Variants in GRK5 observed in about 807,000 individuals in gnomAD.
GRK5 encodes g protein-coupled receptor kinase GRK5.
GRK5 carries 40 observed loss-of-function variants against 78.4 expected under a neutral mutation model. The ratio of observed to expected loss-of-function variants is 0.51; its 90% confidence interval spans 0.40 to 0.66. The LOEUF is 0.66. Ranked by LOEUF, GRK5 falls within the 30% of genes least tolerant of loss-of-function variation. The pLI, the probability that GRK5 is intolerant of heterozygous loss-of-function variation, is 0.00. For missense variants in GRK5, 598 were observed against 759.9 expected (o/e 0.79, Z 2.50); for synonymous variants, 289 against 296.8 (o/e 0.97, Z 0.27).
chr10:119,332,616 C>T (rs1000812188), intron 2 of GRK5, among the ~76,000 whole-genome samples: 1 of 152,194 alleles, frequency 6.6e-6, no homozygotes, highest in African/African-American at 2.4e-5. Context: ...TTCTCCACCC[C>T]AGTCCATGGA....
chr10:119,346,765 G>C (rs569722475), intron 2 of GRK5, among the ~76,000 whole-genome samples: 101 of 152,282 alleles, frequency 6.6e-4, no homozygotes, highest in African/African-American at 2.3e-3. Flanking sequence ...GGTCCCCCAG[G>C]CTCCGGCAGA....
intron 1 of GRK5, among the ~76,000 whole-genome samples, chr10:119,219,142 C>A (rs1458144883): frequency 6.6e-6 from 1 of 152,170 alleles, no homozygotes; most frequent in Non-Finnish European, 1.5e-5. Context: ...CCTGCCTCGG[C>A]CTCCCAAAGT....
chr10:119,297,307 T>C (rs561877038), intron 1 of GRK5, among the ~76,000 whole-genome samples: 7 of 152,340 alleles, frequency 4.6e-5, no homozygotes, highest in East Asian at 1.9e-4. Context: ...GTTTGGCGAA[T>C]GTTAGTGCAG....
At chr10:119,414,429 T>C (rs555194633) in intron 4 of GRK5, among the ~76,000 whole-genome samples, 2 of 152,266 alleles carry the variant, frequency 1.3e-5, no homozygotes, top group Admixed American at 6.5e-5. Context: ...ACAAACACCA[T>C]TGGTCAAAAC....
chr10:119,416,337 A>G (rs1852451817), intron 4 of GRK5, among the ~76,000 whole-genome samples: 1 of 152,236 alleles, frequency 6.6e-6, no homozygotes, highest in Non-Finnish European at 1.5e-5. Flanking sequence ...CTCGGGGCTG[A>G]TAACTCAGCC....
In GRK5 at chr10:119,380,888, G is replaced by C; in HGVS notation, c.222G>C (p.Arg74Ser). 1 of 1,613,466 alleles carries C rather than the reference G, an allele frequency of 6.2e-7. No homozygotes were observed. The highest frequency in any genetic ancestry group is 8.5e-7 in the Non-Finnish European group (1 of 1,179,386). The change falls in exon 3 of 16, where the codon AGG (arginine) becomes AGC (serine). Residue 74 changes from arginine (R) to serine (S), a missense_variant. Physicochemically the swap from Arg to Ser is moderately radical, Grantham distance 110. Transcript: ENST00000392870. ...TTTTCCGGCAGTTTTGTGAAACCAG[G>C]CCTGGGCTGGAGTGTTACATTCAGT... ...RLLFRQFCET[R>S]PGLECYIQFL...
intron 2 of GRK5, among the ~76,000 whole-genome samples, chr10:119,330,675 T>C (rs1850760586): frequency 6.6e-6 from 1 of 152,060 alleles, no homozygotes; most frequent in Non-Finnish European, 1.5e-5. Context: ...TGAGATTAAC[T>C]AGCCCTGCCA....
rs372860344 is a variant in GRK5, at chr10:119,211,324, CTCTA to C, written c.52+3361_52+3364del. 2.7e-4 allele frequency among the ~76,000 whole-genome samples: 41 copies of C among 152,330 alleles called. No individual in the cohort carries two copies. In the East Asian group the frequency reaches 2.9e-3, roughly 11 times the overall value. On this transcript the variant is annotated intron_variant, in intron 1 of 15. Transcript: ENST00000392870. ...TTCATGAAAAAGAGGCCCAGACTAA[CTCTA>C]TCTATTTATTTACATTTCAGAATCT...
chr10:119,284,786 C>T (rs564274579), intron 1 of GRK5, among the ~76,000 whole-genome samples: 5 of 152,288 alleles, frequency 3.3e-5, no homozygotes, highest in Non-Finnish European at 7.3e-5. Flanking sequence ...AGTGACACCA[C>T]GTGTCTCTCC....
At chr10:119,249,258 C>T (rs536005236) in intron 1 of GRK5, among the ~76,000 whole-genome samples, 135 of 150,184 alleles carry the variant, frequency 9.0e-4, no homozygotes, top group Non-Finnish European at 1.4e-3. Flanking sequence ...GCAACAAGAG[C>T]GAAACTTCGT....
chr10:119,221,418 A>C (rs1848655145), intron 1 of GRK5, among the ~76,000 whole-genome samples: 1 of 152,150 alleles, frequency 6.6e-6, no homozygotes, highest in African/African-American at 2.4e-5. Context: ...TTTCCCATGA[A>C]ATGGATGGGT....
intron 3 of GRK5, among the ~76,000 whole-genome samples, chr10:119,394,388 C>CCG (rs1188434157): frequency 4.9e-5 from 1 of 20,548 alleles, no homozygotes; most frequent in African/African-American, 1.9e-4. Flanking sequence ...GTGTGTGTAT[C>CCG]TGTGTCTGTG....
chr10:119,255,564 C>T (rs1849268803), intron 1 of GRK5, among the ~76,000 whole-genome samples: 1 of 152,210 alleles, frequency 6.6e-6, no homozygotes, highest in Non-Finnish European at 1.5e-5. Flanking sequence ...CTCATTATCA[C>T]AGAGTCATGG....
intron 4 of GRK5, among the ~76,000 whole-genome samples, chr10:119,405,004 A>G (rs1472261145): frequency 1.3e-5 from 2 of 152,218 alleles, no homozygotes; most frequent in Non-Finnish European, 2.9e-5. Context: ...GCTGCGGCTC[A>G]TTTTAATTGG....
chr10:119,363,260 G>A (rs1318862804), intron 2 of GRK5, among the ~76,000 whole-genome samples: 1 of 146,526 alleles, frequency 6.8e-6, no homozygotes, highest in Non-Finnish European at 1.5e-5. Flanking sequence ...CAGCCTCGGC[G>A]ACAAGAGTGA....
At chr10:119,263,226 C>T (rs900309668) in intron 1 of GRK5, among the ~76,000 whole-genome samples, 3 of 152,132 alleles carry the variant, frequency 2.0e-5, no homozygotes, top group Non-Finnish European at 2.9e-5. Flanking sequence ...AGGCTGGTCT[C>T]GAACTCCTGA....
At chr10:119,263,869 AG>A (rs1336228412) in intron 1 of GRK5, among the ~76,000 whole-genome samples, 1 of 152,250 alleles carries the variant, frequency 6.6e-6, no homozygotes, top group Non-Finnish European at 1.5e-5. Flanking sequence ...GAGAGCTTGC[AG>A]TGAGCTGAGA....
chr10:119,329,247 A>G (rs1018415236), intron 2 of GRK5, among the ~76,000 whole-genome samples: 4 of 152,258 alleles, frequency 2.6e-5, no homozygotes, highest in Non-Finnish European at 5.9e-5. Flanking sequence ...AAAAGATGAA[A>G]ATATGAAATA....
intron 1 of GRK5, among the ~76,000 whole-genome samples, chr10:119,297,167 G>A: frequency 6.6e-6 from 1 of 152,348 alleles, no homozygotes; most frequent in Middle Eastern, 3.4e-3. Context: ...CCTGCCATGG[G>A]GTTGGTTTGG....
Sources: gnomAD v4.1 joint callset for allele counts (sites outside exome capture counted in the v4.1 genomes callset) on GRCh38, gnomAD v4.1.1 for gene constraint, MANE v1.5 for transcripts, NCBI Gene and HGNC (gene_info 2026-07-23, HGNC 2026-07-21) for gene names.